TXNDC16: variants seen among roughly 807,000 people sequenced by gnomAD.
TXNDC16 encodes the protein thioredoxin domain containing 16, also known as thioredoxin domain-containing protein 16.
Under a neutral mutation model 85.6 loss-of-function variants are expected in TXNDC16, and 74 were observed. The ratio of observed to expected loss-of-function variants is 0.86; its 90% CI spans 0.72 to 1.05. The LOEUF is 1.05. Ranked by LOEUF, TXNDC16 falls within the 50% of genes least tolerant of loss-of-function variation. TXNDC16 has a pLI of 0.00. For synonymous variants in TXNDC16, 335 were observed against 326.5 expected (o/e 1.03, Z -0.28); for missense variants, 959 against 947.0 (o/e 1.01, Z -0.17).
rs187298586 is a variant in TXNDC16 at position 52,529,732 on chromosome 14, A to G, written c.392+6987T>C. ...ATAATGCCTATTATATATATTATAT[A>G]TAATGCCTATTATATATTATATATA... On this transcript the variant is annotated intron_variant, in intron 6 of 20. Coordinates refer to ENST00000281741, the MANE Select transcript of TXNDC16 (RefSeq NM_020784.3). Among the ~76,000 whole-genome samples, 30 of 117,912 alleles carry G rather than the reference A, an allele frequency of 2.5e-4. 1 individual carries two copies. Among genetic ancestry groups the G allele is most frequent in the Admixed American group, 2.4e-3 (23 of 9,624 alleles). 77.4% of individuals were successfully genotyped at this position (117,912 alleles called of 152,430 possible). A position where few individuals can be genotyped will look rare whatever the true frequency, so the allele number is the denominator to read the frequency against.
intron 6 of TXNDC16, among the ~76,000 whole-genome samples, chr14:52,526,486 C>T (rs2037338574): frequency 6.6e-6 from 1 of 152,178 alleles, no homozygotes; most frequent in Admixed American, 6.5e-5. Flanking sequence ...AGTGCTCCTA[C>T]ACAGACCAAA....
At chr14:52,519,318 G>C in intron 6 of TXNDC16, 25 bp from the exon 7 acceptor site, 1 of 1,543,494 alleles carries the variant, frequency 6.5e-7, no homozygotes, top group Non-Finnish European at 8.8e-7. Flanking sequence ...GATATAATTA[G>C]TAGAAAAATC....
chr14:52,439,914 T>C (rs1415525839), intron 19 of TXNDC16, among the ~76,000 whole-genome samples: 1 of 152,060 alleles, frequency 6.6e-6, no homozygotes, highest in Non-Finnish European at 1.5e-5. Flanking sequence ...TTTCCTAATG[T>C]AACACATTCT....
In TXNDC16 at chr14:52,482,844, G is replaced by A. The variant is rs368388784; in HGVS notation, c.1230C>T (p.Ser410=). Residue 410 remains serine (S), a synonymous_variant, in exon 13 of 21, where the codon AGC becomes AGT. Transcript: ENST00000281741. ...CACAACCAGCATAGAAGAGTACTAT[G>A]CTGTCAGAAGCCATCACTGTTGCAT... ...TFNATVMASD[S]IVLFYAGWQA... is the part of the protein sequence containing the mutation. 9 of 1,611,534 alleles carry A rather than the reference G, an allele frequency of 5.6e-6. No homozygotes were observed. Among genetic ancestry groups the A allele is most frequent in the Non-Finnish European group, 7.6e-6 (9 of 1,179,154 alleles).
intron 18 of TXNDC16, among the ~76,000 whole-genome samples, chr14:52,452,178 A>G (rs77617539): frequency 0.086 from 13,055 of 152,250 alleles, 617 homozygotes; most frequent in South Asian, 0.14. Flanking sequence ...AAGAAACTGA[A>G]CTGAACACAC....
intron 9 of TXNDC16, among the ~76,000 whole-genome samples, chr14:52,504,631 G>A (rs1412761643): frequency 6.6e-6 from 1 of 152,216 alleles, no homozygotes; most frequent in Non-Finnish European, 1.5e-5. Flanking sequence ...AAATTGTAAA[G>A]ACCATCAATG....
At chr14:52,512,365 G>A (rs954643257) in intron 8 of TXNDC16, among the ~76,000 whole-genome samples, 1 of 152,086 alleles carries the variant, frequency 6.6e-6, no homozygotes, top group Non-Finnish European at 1.5e-5. Flanking sequence ...CTTCAAATTA[G>A]GAAGGAGAAG....
chr14:52,511,462 A>G, intron 8 of TXNDC16, 72 bp from the exon 9 acceptor site: 1 of 1,040,406 alleles, frequency 9.6e-7, no homozygotes, highest in Non-Finnish European at 1.3e-6. Flanking sequence ...AAGCTGTAAC[A>G]ATGAATTTTG....
At chr14:52,491,568 GAATA>G (rs1229410253) in intron 9 of TXNDC16, among the ~76,000 whole-genome samples, 5 of 143,170 alleles carry the variant, frequency 3.5e-5, no homozygotes, top group African/African-American at 1.4e-4. Flanking sequence ...CAATCATAAA[GAATA>G]AACATATTAT....
intron 6 of TXNDC16, among the ~76,000 whole-genome samples, chr14:52,525,953 A>AATGTAAATGCT (rs1336604757): frequency 1.3e-5 from 2 of 151,882 alleles, no homozygotes; most frequent in Non-Finnish European, 2.9e-5. Flanking sequence ...TACCTAATAC[A>AATGTAAATGCT]ATGTAAATGC....
chr14:52,510,425 A>G (rs1349285769), intron 9 of TXNDC16, among the ~76,000 whole-genome samples: 1 of 152,142 alleles, frequency 6.6e-6, no homozygotes, highest in Non-Finnish European at 1.5e-5. Flanking sequence ...CTTCTATTAA[A>G]CTCAAATAAC....
In TXNDC16 at chr14:52,514,917, C is replaced by G. The variant is rs754374283; in HGVS notation, c.568G>C (p.Val190Leu). Residue 190 changes from valine (V) to leucine (L), a missense_variant, in exon 8 of 21, where the codon GTC (valine) becomes CTC (leucine). Transcript: ENST00000281741. ...AFVYGTTYQF[V>L]LTTEIALLES... ...AAAAGGGCAATTTCTGTGGTTAAGA[C>G]AAATTGGTATGTAGTCCCATACACA... 1 of 1,612,536 alleles carries G rather than the reference C, an allele frequency of 6.2e-7. No homozygotes were observed. Among genetic ancestry groups the G allele is most frequent in the Admixed American group, 1.7e-5 (1 of 59,936 alleles).
chr14:52,538,594 G>A (rs567081127), intron 4 of TXNDC16, among the ~76,000 whole-genome samples: 1 of 152,220 alleles, frequency 6.6e-6, no homozygotes, highest in Non-Finnish European at 1.5e-5. Context: ...CATACAACTA[G>A]GGGGAAGACT....
At chr14:52,460,018 A>T (rs897680500) in intron 16 of TXNDC16, among the ~76,000 whole-genome samples, 18 of 152,160 alleles carry the variant, frequency 1.2e-4, no homozygotes, top group African/African-American at 3.9e-4. Context: ...ACCCTCTTTC[A>T]CCACTCTTAC....
At chr14:52,488,553 G>C in intron 11 of TXNDC16, 67 bp from the exon 12 acceptor site, 1 of 1,365,762 alleles carries the variant, frequency 7.3e-7, no homozygotes, top group Non-Finnish European at 9.9e-7. Flanking sequence ...TGTTTTACTT[G>C]GGCCAGGTGT....
intron 6 of TXNDC16, among the ~76,000 whole-genome samples, chr14:52,527,655 T>C (rs1048110402): frequency 6.6e-6 from 1 of 152,178 alleles, no homozygotes; most frequent in African/African-American, 2.4e-5. Context: ...CATCTGACTC[T>C]TGCCTTGTCA....
chr14:52,493,999 T>C (rs1413996936), intron 9 of TXNDC16, among the ~76,000 whole-genome samples: 1 of 151,952 alleles, frequency 6.6e-6, no homozygotes, highest in African/African-American at 2.4e-5. Flanking sequence ...CAGGCTGGTC[T>C]CGAACTCCTG....
intron 1 of TXNDC16, among the ~76,000 whole-genome samples, chr14:52,547,613 A>C (rs927809325): frequency 5.9e-5 from 9 of 152,186 alleles, no homozygotes; most frequent in African/African-American, 2.2e-4. Flanking sequence ...TCAACCGTAG[A>C]TTGCTACAAT....
At chr14:52,516,094 T>A (rs1299141795) in intron 7 of TXNDC16, among the ~76,000 whole-genome samples, 12 of 152,158 alleles carry the variant, frequency 7.9e-5, no homozygotes, top group Non-Finnish European at 1.5e-5. Context: ...TTGTAAACAT[T>A]TCTGCAGAGC....
Sources: allele counts gnomAD v4.1 joint callset (sites outside exome capture counted in the v4.1 genomes callset), GRCh38; gene constraint gnomAD v4.1.1; transcripts MANE v1.5; gene names NCBI Gene and HGNC (gene_info 2026-07-23, HGNC 2026-07-21).